The following TMEM266 variants were observed in gnomAD, a reference collection of about 807,000 sequenced individuals.
TMEM266 encodes the protein transmembrane protein 266, also known as Hv1 related protein 1.
In TMEM266, 33 loss-of-function variants were observed where a neutral mutation model predicts 50.5. The ratio of observed to expected loss-of-function variants is 0.65; its 90% CI spans 0.50 to 0.87. TMEM266 has a LOEUF of 0.87. TMEM266 is among the 40% of genes least tolerant of loss of function. The pLI is 0.00. For synonymous variants in TMEM266, 310 were observed against 292.3 expected (o/e 1.06, Z -0.62); for missense variants, 655 against 695.1 (o/e 0.94, Z 0.65).
chr15:76,188,180 G>A (rs2038517058), intron 8 of TMEM266, among the ~76,000 whole-genome samples: 1 of 150,710 alleles, frequency 6.6e-6, no homozygotes, highest in Non-Finnish European at 1.5e-5. Context: ...TGCTAATAAA[G>A]ACATACCCAA....
chr15:76,146,124 C>G lies in TMEM266; in HGVS notation c.227+8229C>G, dbSNP rs536585605. 1.0e-3 allele frequency among the ~76,000 whole-genome samples: 152 copies of G among 152,288 alleles called. 2 individuals carry two copies. Among genetic ancestry groups the G allele is most frequent in the African/African-American group, 3.6e-3 (149 of 41,560 alleles). On this transcript the variant is annotated intron_variant, in intron 3 of 10. Transcript: ENST00000388942. ...AGTTTTCAGGGTCTGGGTGAGACCACAGGCAACAAAAGAGAAAATTCAGAG... is the reference window on the plus strand; with the variant it reads ...AGTTTTCAGGGTCTGGGTGAGACCAGAGGCAACAAAAGAGAAAATTCAGAG...
rs1342135390 is a variant in TMEM266, at chr15:76,139,194, G to C, written c.227+1299G>C. Among the ~76,000 whole-genome samples, 1 of 152,168 alleles carries C rather than the reference G, an allele frequency of 6.6e-6. No individual in the cohort carries two copies. The highest frequency in any genetic ancestry group is 1.5e-5 in the Non-Finnish European group (1 of 68,034). ...AAATTTGCAGAGCTTGGATTCCCTGGGCTTGTTTCTGGAAGGAGCTTCCCA... is the reference window on the plus strand; with the variant it reads ...AAATTTGCAGAGCTTGGATTCCCTGCGCTTGTTTCTGGAAGGAGCTTCCCA... On this transcript the variant is annotated intron_variant, in intron 3 of 10. Transcript: ENST00000388942. The surrounding 1 kb of genome is among the most constrained non-coding windows in gnomAD (Gnocchi z 4.1).
chr15:76,060,936 C>T (rs2036289698), intron 1 of TMEM266, among the ~76,000 whole-genome samples: 1 of 152,076 alleles, frequency 6.6e-6, no homozygotes, highest in Non-Finnish European at 1.5e-5. Context: ...GATTTGATGC[C>T]CTATATGTGA....
intron 1 of TMEM266, among the ~76,000 whole-genome samples, chr15:76,067,397 C>G (rs1159966067): frequency 6.6e-6 from 1 of 151,898 alleles, no homozygotes; most frequent in Non-Finnish European, 1.5e-5. Context: ...AATCTCAGCA[C>G]TTTGGGAGGC....
In TMEM266 at chr15:76,202,194, C is replaced by G. The variant is rs72736856; in HGVS notation, c.959-8C>G. 1 of 1,612,336 alleles carries G rather than the reference C, an allele frequency of 6.2e-7. No homozygotes were observed. ...TGCACTCACCCTTCTCTGTCCCCAC[C>G]TCTGTAGAAGCCACGATGAAGGACG... On this transcript the variant is annotated splice_polypyrimidine_tract_variant and splice_region_variant and intron_variant, in intron 9 of 10. Transcript: ENST00000388942.
chr15:76,118,864 T>G (rs1446932281), intron 1 of TMEM266, among the ~76,000 whole-genome samples: 1 of 152,216 alleles, frequency 6.6e-6, no homozygotes, highest in African/African-American at 2.4e-5. Flanking sequence ...TGGGGAGCCT[T>G]CCATGAAGAC....
rs145496697 is a variant in TMEM266 at position 76,117,967 on chromosome 15, T to C, written c.-96-16201T>C. Reference sequence around the variant, plus strand: ...CCAGGAATCTGCATTTTAAACATGCTCTCCAGGTGGTTCTCAGGCCTGCTG... The same window carrying C: ...CCAGGAATCTGCATTTTAAACATGCCCTCCAGGTGGTTCTCAGGCCTGCTG... On this transcript the variant is annotated intron_variant, in intron 1 of 10. Coordinates refer to ENST00000388942, the MANE Select transcript of TMEM266 (RefSeq NM_152335.3). 2.7e-3 allele frequency among the ~76,000 whole-genome samples: 413 copies of C among 152,316 alleles called. 2 individuals are homozygous for C. The highest frequency in any genetic ancestry group is 9.2e-3 in the African/African-American group (383 of 41,576).
chr15:76,150,758 T>G (rs1482756576), intron 3 of TMEM266, among the ~76,000 whole-genome samples: 1 of 152,196 alleles, frequency 6.6e-6, no homozygotes, highest in South Asian at 2.1e-4. Context: ...GTGCCAGGCT[T>G]GGGAACGCTG....
In TMEM266 at chr15:76,171,026, G is replaced by T. The variant is rs745772345; in HGVS notation, c.547G>T (p.Ala183Ser). ...SLAPMVASTV[A>S]NGPRSPWDAI... ...CGGGGCTGTGATCATCCTATCTTTG[G>T]CTCCGATGGTGGCATCCACTGTGGC... is the stretch of plus-strand genomic sequence containing the variant. Residue 183 changes from alanine (A) to serine (S), a missense_variant, in exon 7 of 11, where the codon GCT becomes TCT. By Grantham distance (99) the Ala-to-Ser change is moderately conservative (BLOSUM62 1). This residue lies in a region of TMEM266 where 101 missense variants were observed against 182.6 expected (regional missense o/e 0.55). Coordinates refer to ENST00000388942, the MANE Select transcript of TMEM266 (RefSeq NM_152335.3). 1 of 1,613,000 alleles carries T rather than the reference G, an allele frequency of 6.2e-7. No individual in the cohort carries two copies. The highest frequency in any genetic ancestry group is 1.1e-5 in the South Asian group (1 of 90,726).
intron 1 of TMEM266, among the ~76,000 whole-genome samples, chr15:76,105,348 A>G (rs1221679651): frequency 1.3e-5 from 2 of 152,150 alleles, no homozygotes; most frequent in African/African-American, 2.4e-5. Context: ...TCCCCCTCTG[A>G]GGCTTCCCTG....
chr15:76,193,469 C>T (rs2038611733), intron 9 of TMEM266, among the ~76,000 whole-genome samples: 1 of 152,194 alleles, frequency 6.6e-6, no homozygotes, highest in Non-Finnish European at 1.5e-5. Flanking sequence ...GATCCTCCTG[C>T]CTCAGCCATG....
At chr15:76,195,503 G>A (rs1465247338) in intron 9 of TMEM266, among the ~76,000 whole-genome samples, 1 of 152,210 alleles carries the variant, frequency 6.6e-6, no homozygotes, top group Admixed American at 6.5e-5. Context: ...TCTTCTGGAA[G>A]GTGGGAGCAA....
At chr15:76,114,993 A>G (rs924992629) in intron 1 of TMEM266, among the ~76,000 whole-genome samples, 5 of 152,288 alleles carry the variant, frequency 3.3e-5, no homozygotes, top group African/African-American at 1.2e-4. Flanking sequence ...CTTGTTGGCC[A>G]GGCACAGTGG....
intron 1 of TMEM266, among the ~76,000 whole-genome samples, chr15:76,126,153 C>T (rs1004180524): frequency 1.3e-5 from 2 of 151,712 alleles, no homozygotes; most frequent in African/African-American, 4.8e-5. Flanking sequence ...AGTATGGATG[C>T]TCCTCAAAAA....
At chr15:76,080,858 C>T (rs1170250870) in intron 1 of TMEM266, among the ~76,000 whole-genome samples, 2 of 151,998 alleles carry the variant, frequency 1.3e-5, no homozygotes, top group Admixed American at 1.3e-4. Context: ...GCAGTCCTCC[C>T]ACCTCAGCCT....
At chr15:76,111,039 T>A (rs1052699857) in intron 1 of TMEM266, among the ~76,000 whole-genome samples, 9 of 151,438 alleles carry the variant, frequency 5.9e-5, no homozygotes, top group Non-Finnish European at 1.2e-4. Context: ...CTGATGGGAA[T>A]GCAAAATGGA....
intron 2 of TMEM266, among the ~76,000 whole-genome samples, chr15:76,136,942 G>A (rs773635208): frequency 1.3e-5 from 2 of 152,170 alleles, no homozygotes; most frequent in Admixed American, 1.3e-4. Context: ...ATTGGGAGGC[G>A]GTACTGCCCT....
rs549197620 is a variant in TMEM266, at chr15:76,204,613, TG to T, written c.*305del. The T allele has an allele frequency of 2.4e-5, 6 of 246,518 alleles. No individual in the cohort carries two copies. The highest frequency in any genetic ancestry group is 5.0e-5 in the Admixed American group (1 of 20,186). 15.3% of individuals were successfully genotyped at this position (246,518 alleles called of 1,614,324 possible). On this transcript the variant is annotated 3_prime_UTR_variant, in exon 11 of 11. Coordinates refer to ENST00000388942, the MANE Select transcript of TMEM266 (RefSeq NM_152335.3). ...GGCCCAGCTTCAGCAGGGTAGAGTG[TG>T]GGGGGGCCAGCTCAGCCTCTTGCGT...
At chr15:76,201,048 G>T (rs1000845255) in intron 9 of TMEM266, among the ~76,000 whole-genome samples, 2 of 152,092 alleles carry the variant, frequency 1.3e-5, no homozygotes. Context: ...GCTCCTGGGG[G>T]TGCAGACTCG....
Sources: gnomAD v4.1 joint callset for allele counts (sites outside exome capture counted in the v4.1 genomes callset) on GRCh38, gnomAD v4.1.1 for gene constraint, gnomAD v4.1.1 regional missense constraint, Gnocchi (gnomAD v3.1) non-coding constraint, MANE v1.5 for transcripts, NCBI Gene and HGNC (gene_info 2026-07-23, HGNC 2026-07-21) for gene names.